The following RECQL5 variants were observed in gnomAD, a reference collection of about 807,000 sequenced individuals.
The protein encoded by RECQL5 is RecQ like helicase 5, also known as ATP-dependent DNA helicase Q5.
In RECQL5, 88 loss-of-function variants were observed where a neutral mutation model predicts 103.4. That is an observed-to-expected ratio of 0.85 (90% CI 0.72 to 1.02). The LOEUF is 1.02. RECQL5 is among the 50% of genes least tolerant of loss of function. The pLI, the probability that RECQL5 is intolerant of heterozygous loss-of-function variation, is 0.00. For synonymous variants in RECQL5, 552 were observed against 507.9 expected (o/e 1.09, Z -1.17); for missense variants, 1,232 against 1,284.3 (o/e 0.96, Z 0.62).
chr17:75,665,161 C>G lies in RECQL5; in HGVS notation c.142G>C (p.Val48Leu), dbSNP rs548064379. The change falls in exon 3 of 20, where the codon GTC becomes CTC. Residue 48 changes from valine to leucine, a missense_variant. Transcript: ENST00000317905. Reference protein sequence around the residue: ...TMAVVKGNKDVFVCMPTGAGK... With the variant: ...TMAVVKGNKDLFVCMPTGAGK... ...GCCCCTGTGGGCATGCACACAAAGACGTCCTTGTTACCTGAAAAAATACAA... is the reference window on the plus strand; with the variant it reads ...GCCCCTGTGGGCATGCACACAAAGAGGTCCTTGTTACCTGAAAAAATACAA... The G allele has an allele frequency of 3.7e-6, 6 of 1,609,070 alleles. No individual in the cohort carries two copies. In the African/African-American group the frequency reaches 8.0e-5, roughly 22 times the overall value.
chr17:75,630,248 A>G lies in RECQL5; in HGVS notation c.1748T>C (p.Leu583Pro). 1 of 1,562,086 alleles carries G rather than the reference A, an allele frequency of 6.4e-7. No homozygotes were observed. The highest frequency in any genetic ancestry group is 2.4e-5 in the East Asian group (1 of 42,466). The change falls in exon 14 of 20, where the codon CTG becomes CCG. Residue 583 changes from leucine to proline, a missense_variant. Coordinates refer to ENST00000317905, the MANE Select transcript of RECQL5 (RefSeq NM_004259.7). ...EADLRAKAVE[L>P]EHETFRNAKV... ...GGCGTTCCGGAATGTCTCATGTTCC[A>G]GCTCCACGGCCTTGGCCCGGAGGTC...
intron 8 of RECQL5, chr17:75,641,042 A>G: frequency 7.2e-7 from 1 of 1,390,910 alleles, no homozygotes; most frequent in Non-Finnish European, 9.5e-7. Context: ...CTGGACACTG[A>G]CAACTTGAGC....
chr17:75,643,134 C>G (rs1317487545), intron 8 of RECQL5, among the ~76,000 whole-genome samples: 4 of 152,206 alleles, frequency 2.6e-5, no homozygotes, highest in Non-Finnish European at 5.9e-5. Flanking sequence ...ACAGGAAACC[C>G]TGCATTTTTC....
chr17:75,663,080 T>C lies in RECQL5; in HGVS notation c.253-83A>G, dbSNP rs1348394745. 7 of 1,342,942 alleles carry C rather than the reference T, an allele frequency of 5.2e-6. No individual in the cohort carries two copies. The African/African-American group carries it at 7.3e-5, about 14-fold the overall frequency. 83.2% of individuals were successfully genotyped at this position (1,342,942 alleles called of 1,614,324 possible). Reference sequence around the variant, plus strand: ...AAGTCCCTGGAGGATTTCCCAGTCATAAACTGTCCTCCTCCCACCCTCCAA... The same window carrying C: ...AAGTCCCTGGAGGATTTCCCAGTCACAAACTGTCCTCCTCCCACCCTCCAA... On this transcript the variant is annotated intron_variant, in intron 3 of 19. Transcript: ENST00000317905.
rs748393453 is a variant in RECQL5 at position 75,640,232 on chromosome 17, C to T, written c.1230-8564G>A. The T allele has an allele frequency of 7.1e-6, 11 of 1,550,734 alleles. No individual in the cohort carries two copies. The highest frequency in any genetic ancestry group is 4.1e-5 in the African/African-American group (3 of 73,044). On this transcript the variant is annotated intron_variant, in intron 8 of 19. Coordinates refer to ENST00000317905, the MANE Select transcript of RECQL5 (RefSeq NM_004259.7). This position sits in a 1 kb window ranked among gnomAD's most constrained non-coding sequence, Gnocchi z 4.6. ...TGCCACCGACTTCGTGCAGGAGATG[C>T]GCGCCGTGGGCGAGAGGCTGCTGCT... is the stretch of plus-strand genomic sequence containing the variant.
chr17:75,641,172 T>C (rs957484801), intron 8 of RECQL5: 10 of 434,538 alleles, frequency 2.3e-5, no homozygotes, highest in African/African-American at 5.9e-5. Context: ...TTCGCCTACC[T>C]GCACTTTTTA....
At chr17:75,633,029 T>G (rs771581737) in intron 8 of RECQL5, among the ~76,000 whole-genome samples, 5 of 152,226 alleles carry the variant, frequency 3.3e-5, no homozygotes, top group Non-Finnish European at 5.9e-5. Context: ...CTGGCTGACT[T>G]TCTTTTAGCT....
intron 7 of RECQL5, among the ~76,000 whole-genome samples, chr17:75,655,855 T>C (rs75826337): frequency 1.3e-5 from 2 of 151,804 alleles, no homozygotes; most frequent in African/African-American, 4.8e-5. Context: ...AATTTTTGTA[T>C]TTTTTTTGTT....
intron 8 of RECQL5, chr17:75,650,922 G>C: frequency 2.1e-6 from 3 of 1,442,758 alleles, no homozygotes; most frequent in South Asian, 1.5e-5. Flanking sequence ...GGCTTGTGGG[G>C]CCAGCCATCC....
chr17:75,629,691 A>G lies in RECQL5; in HGVS notation c.1947+17T>C, dbSNP rs2059170280. 1 of 1,596,250 alleles carries G rather than the reference A, an allele frequency of 6.3e-7. No individual in the cohort carries two copies. Among genetic ancestry groups the G allele is most frequent in the Non-Finnish European group, 8.6e-7 (1 of 1,167,152 alleles). ...TTTCCTGGTCACAGGTCTGGAGGCCACTGGGCCACAGCTCACCGAGTACAC... is the reference window on the plus strand; with the variant it reads ...TTTCCTGGTCACAGGTCTGGAGGCCGCTGGGCCACAGCTCACCGAGTACAC... On this transcript the variant is annotated intron_variant, in intron 15 of 19. Transcript: ENST00000317905.
chr17:75,635,768 C>T (rs2059309969), intron 8 of RECQL5: 2 of 984,470 alleles, frequency 2.0e-6, no homozygotes, highest in African/African-American at 3.5e-5. Context: ...CAGGGCAGAG[C>T]AAGCAGCCCT....
At position 75,662,464 on chromosome 17, in the gene RECQL5, ACCTCAATG is replaced by A. The variant is rs1448575780; in HGVS notation, c.771+7_771+14del. 9 of 1,607,574 alleles carry A rather than the reference ACCTCAATG, an allele frequency of 5.6e-6. 1 individual carries two copies. Among genetic ancestry groups the A allele is most frequent in the Admixed American group, 5.0e-5 (3 of 59,702 alleles). On this transcript the variant is annotated splice_region_variant and intron_variant, in intron 4 of 19. Coordinates refer to ENST00000317905, the MANE Select transcript of RECQL5 (RefSeq NM_004259.7). ...CTGCTCTAACAGCTGCTTGGCCTCC[ACCTCAATG>A]CCTCACCCCTTTATCAGCCTCCTGT...
rs752969417 is a variant in RECQL5, at chr17:75,630,658, G to A, written c.1679C>T (p.Ala560Val). The A allele has an allele frequency of 6.2e-6, 10 of 1,613,210 alleles. No homozygotes were observed. Among genetic ancestry groups the A allele is most frequent in the East Asian group, 4.5e-5 (2 of 44,894 alleles). ...REHCLRLLEE[A>V]LSSNRQSTRT... Reference sequence around the variant, plus strand: ...TGTTGACTGGCGGTTGCTGCTCAGCGCCTCCTCCAGAAGCCGCAGGCAGTG... The same window carrying A: ...TGTTGACTGGCGGTTGCTGCTCAGCACCTCCTCCAGAAGCCGCAGGCAGTG... Residue 560 changes from alanine to valine, a missense_variant, in exon 13 of 20, where the codon GCG becomes GTG. Physicochemically the swap from Ala to Val is moderately conservative, Grantham distance 64. Coordinates refer to ENST00000317905, the MANE Select transcript of RECQL5 (RefSeq NM_004259.7).
chr17:75,665,197 T>A (rs759217248), intron 2 of RECQL5, 25 bp from the exon 3 acceptor site: 1 of 1,594,710 alleles, frequency 6.3e-7, no homozygotes, highest in South Asian at 1.1e-5. Flanking sequence ...GACAACAATA[T>A]CTCAGTGCTT....
chr17:75,657,014 G>A (rs1231188559), intron 7 of RECQL5, among the ~76,000 whole-genome samples: 3 of 152,166 alleles, frequency 2.0e-5, no homozygotes, highest in Non-Finnish European at 4.4e-5. Flanking sequence ...AAAGTGCTGG[G>A]ATTACAGGCG....
At chr17:75,633,101 G>A (rs1326834466) in intron 8 of RECQL5, among the ~76,000 whole-genome samples, 5 of 152,236 alleles carry the variant, frequency 3.3e-5, no homozygotes, top group Non-Finnish European at 2.9e-5. Flanking sequence ...ACCAGAGGGC[G>A]CTCCTGCCCC....
At chr17:75,650,273 G>C in intron 8 of RECQL5, 1 of 1,002,620 alleles carries the variant, frequency 1.0e-6, no homozygotes, top group South Asian at 4.5e-5. Context: ...AGAGACAGCA[G>C]TTTGGAGAAG....
At chr17:75,638,562 C>A (rs930995816) in intron 8 of RECQL5, 25 of 152,344 alleles carry the variant, frequency 1.6e-4, no homozygotes, top group African/African-American at 6.0e-4. Flanking sequence ...ACACCGCAGA[C>A]ACCCTAGGAC....
At chr17:75,651,362 C>G (rs1202547653) in intron 7 of RECQL5, 97 bp from the exon 8 acceptor site, 2 of 1,405,380 alleles carry the variant, frequency 1.4e-6, no homozygotes, top group Non-Finnish European at 1.0e-6. Flanking sequence ...TGGCTCACGG[C>G]TGTAATCCCA....
Sources: gnomAD v4.1 joint callset for allele counts (sites outside exome capture counted in the v4.1 genomes callset) on GRCh38, gnomAD v4.1.1 for gene constraint, Gnocchi (gnomAD v3.1) non-coding constraint, MANE v1.5 for transcripts, NCBI Gene and HGNC (gene_info 2026-07-23, HGNC 2026-07-21) for gene names.